IGSF21: variants seen among roughly 807,000 people sequenced by gnomAD.
IGSF21 encodes the protein immunoglobin superfamily member 21.
IGSF21 carries 28 observed loss-of-function variants against 46.8 expected under a neutral mutation model. That is an observed-to-expected ratio of 0.60 (90% CI 0.44 to 0.82). IGSF21 has a LOEUF of 0.82. Among genes scored for constraint, IGSF21 ranks in the 40% least tolerant of loss-of-function variants. The probability of loss-of-function intolerance (pLI) is 0.00; values close to 1 mark genes in which losing one functional copy is unlikely to be tolerated. For synonymous variants in IGSF21, 284 were observed against 273.6 expected, an observed-to-expected ratio of 1.04 and a Z score of -0.38; for missense variants, 624 against 665.5, an observed-to-expected ratio of 0.94 and a Z score of 0.69.
At chr1:18,245,766 G>A (rs1013856473) in intron 2 of IGSF21, among the ~76,000 whole-genome samples, 4 of 152,096 alleles carry the variant, frequency 2.6e-5, no homozygotes, top group Non-Finnish European at 2.9e-5. Flanking sequence ...TGGCAGGGTG[G>A]GTGGTTGGAG....
At chr1:18,218,077 G>A (rs2084470647) in intron 1 of IGSF21, among the ~76,000 whole-genome samples, 1 of 152,214 alleles carries the variant, frequency 6.6e-6, no homozygotes, top group African/African-American at 2.4e-5. Flanking sequence ...ATAAAGGACT[G>A]CCTGAGCCTG....
At chr1:18,347,754 C>G (rs1015467417) in intron 4 of IGSF21, among the ~76,000 whole-genome samples, 2 of 152,146 alleles carry the variant, frequency 1.3e-5, no homozygotes, top group Non-Finnish European at 2.9e-5. Flanking sequence ...TGCATCTTGT[C>G]CCTGGGGAAT....
intron 1 of IGSF21, among the ~76,000 whole-genome samples, chr1:18,119,282 G>A (rs2086212834): frequency 6.6e-6 from 1 of 152,214 alleles, no homozygotes. Flanking sequence ...GCCCCACTGG[G>A]GCTTACAGTC....
chr1:18,257,159 T>C (rs527925308), intron 2 of IGSF21, among the ~76,000 whole-genome samples: 1 of 152,198 alleles, frequency 6.6e-6, no homozygotes, highest in Non-Finnish European at 1.5e-5. Context: ...CTGAACAGCA[T>C]TGAAAGTGAG....
At chr1:18,187,007 G>A (rs1036200619) in intron 1 of IGSF21, among the ~76,000 whole-genome samples, 10 of 152,132 alleles carry the variant, frequency 6.6e-5, no homozygotes, top group South Asian at 2.1e-4. Context: ...TCTCCTGGGG[G>A]AGTGGTACCA....
intron 1 of IGSF21, among the ~76,000 whole-genome samples, chr1:18,174,132 G>T (rs892893593): frequency 1.1e-4 from 17 of 152,148 alleles, no homozygotes; most frequent in African/African-American, 3.6e-4. Context: ...GGCTTGCGGG[G>T]AATCACACCG....
intron 3 of IGSF21, among the ~76,000 whole-genome samples, chr1:18,323,737 C>T (rs1487809902): frequency 1.3e-5 from 2 of 152,088 alleles, no homozygotes; most frequent in African/African-American, 4.8e-5. Flanking sequence ...CTTTGGTACC[C>T]CTCCTAGCCA....
At chr1:18,257,593 A>G (rs1324524374) in intron 2 of IGSF21, among the ~76,000 whole-genome samples, 1 of 152,070 alleles carries the variant, frequency 6.6e-6, no homozygotes, top group Non-Finnish European at 1.5e-5. Flanking sequence ...TGATGCACTG[A>G]GCTCAATTCT....
chr1:18,226,226 A>T (rs1298856346), intron 1 of IGSF21, among the ~76,000 whole-genome samples: 2 of 152,100 alleles, frequency 1.3e-5, no homozygotes, highest in Non-Finnish European at 2.9e-5. Flanking sequence ...GTGCCCACCC[A>T]CAGGCCCCCG....
chr1:18,137,812 A>T (rs535368525), intron 1 of IGSF21, among the ~76,000 whole-genome samples: 25 of 152,162 alleles, frequency 1.6e-4, no homozygotes, highest in Non-Finnish European at 2.6e-4. Context: ...TGCGCTGAGA[A>T]GTCTTCTAAG....
chr1:18,351,836 GT>G (rs1264227667), intron 4 of IGSF21, among the ~76,000 whole-genome samples: 1 of 152,210 alleles, frequency 6.6e-6, no homozygotes, highest in Non-Finnish European at 1.5e-5. Context: ...GGCACCTGTC[GT>G]GGGGCTTAAA....
chr1:18,131,417 G>A (rs769357393), intron 1 of IGSF21, among the ~76,000 whole-genome samples: 5 of 152,156 alleles, frequency 3.3e-5, no homozygotes, highest in Non-Finnish European at 4.4e-5. Context: ...CTGGCCCACC[G>A]CCTACAAGCT....
At chr1:18,319,431 G>A (rs573288880) in intron 3 of IGSF21, among the ~76,000 whole-genome samples, 22 of 152,326 alleles carry the variant, frequency 1.4e-4, no homozygotes, top group Non-Finnish European at 2.5e-4. Context: ...ATGTGTCCAG[G>A]AAACTATCAT....
At chr1:18,289,533 G>A (rs930458803) in intron 2 of IGSF21, among the ~76,000 whole-genome samples, 3 of 152,224 alleles carry the variant, frequency 2.0e-5, no homozygotes, top group African/African-American at 7.2e-5. Flanking sequence ...TTCTTTACCT[G>A]CAAAATGGGA....
At chr1:18,358,264 G>A (rs1329044659) in intron 4 of IGSF21, among the ~76,000 whole-genome samples, 6 of 152,040 alleles carry the variant, frequency 3.9e-5, no homozygotes, top group Non-Finnish European at 5.9e-5. Flanking sequence ...GAAATATAAT[G>A]TAAAGTACAT....
chr1:18,378,180 G>T, intron 9 of IGSF21, 76 bp from the exon 10 acceptor site: 1 of 1,215,680 alleles, frequency 8.2e-7, no homozygotes, highest in Non-Finnish European at 1.2e-6. Context: ...GTCTTTGTTG[G>T]GGACCTGGAG....
chr1:18,238,220 G>T (rs1055060613), intron 2 of IGSF21, among the ~76,000 whole-genome samples: 1 of 152,170 alleles, frequency 6.6e-6, no homozygotes. Flanking sequence ...CCATATTTAG[G>T]TTGGCTCTAC....
intron 1 of IGSF21, among the ~76,000 whole-genome samples, chr1:18,210,761 G>A (rs769912393): frequency 2.9e-4 from 44 of 152,190 alleles, no homozygotes; most frequent in Non-Finnish European, 5.3e-4. Flanking sequence ...CCCCCCTCCA[G>A]TTGTGATAGC....
At position 18,322,206 on chromosome 1, in the gene IGSF21, C is replaced by T. The variant is rs748446947; in HGVS notation, c.306-12686C>T. ...AACCTCTCACTGGTACACTGATGAACGAGGCCTGCATCGGCTCCTGGAACT... is the reference window on the plus strand; with the variant it reads ...AACCTCTCACTGGTACACTGATGAATGAGGCCTGCATCGGCTCCTGGAACT... On this transcript the variant is annotated intron_variant, in intron 3 of 9. Transcript: ENST00000251296. This position sits in a 1 kb window ranked among gnomAD's most constrained non-coding sequence, Gnocchi z 4.3. Among the ~76,000 whole-genome samples, 15 of 152,246 alleles carry T rather than the reference C, an allele frequency of 9.9e-5. No individual in the cohort carries two copies. The highest frequency in any genetic ancestry group is 6.5e-4 in the Admixed American group (10 of 15,286).
Sources: gnomAD v4.1 joint callset for allele counts (sites outside exome capture counted in the v4.1 genomes callset) on GRCh38, gnomAD v4.1.1 for gene constraint, Gnocchi (gnomAD v3.1) non-coding constraint, MANE v1.5 for transcripts, NCBI Gene and HGNC (gene_info 2026-07-23, HGNC 2026-07-21) for gene names.